The following JAM3 variants were observed in gnomAD, a reference collection of about 807,000 sequenced individuals.
JAM3 encodes junctional adhesion molecule C.
A neutral mutation model predicts 39.4 loss-of-function variants in JAM3; 31 were observed. That is an observed-to-expected ratio of 0.79 (90% CI 0.59 to 1.06). The LOEUF is 1.06. JAM3 is among the 50% of genes least tolerant of loss of function. The pLI, the probability that JAM3 is intolerant of heterozygous loss-of-function variation, is 0.00. For missense variants in JAM3, 455 were observed against 391.4 expected, an observed-to-expected ratio of 1.16 and a Z score of -1.37; for synonymous variants, 182 against 148.7, an observed-to-expected ratio of 1.22 and a Z score of -1.63.
chr11:134,140,010 G>A, intron 2 of JAM3, 94 bp downstream of exon 2: 1 of 1,006,620 alleles, frequency 9.9e-7, no homozygotes, highest in Non-Finnish European at 1.6e-6. Context: ...CTCTGTAAGT[G>A]TGCCAGGGAG....
rs575690114 is a variant in JAM3, at chr11:134,077,469, T to C, written c.76+8310T>C. ...ACCTCCGCCTCCTGGGTTCAAGTGATTCTCCTGCTTCAGCCTCCCGAGTAG... is the reference window on the plus strand; with the variant it reads ...ACCTCCGCCTCCTGGGTTCAAGTGACTCTCCTGCTTCAGCCTCCCGAGTAG... On this transcript the variant is annotated intron_variant, in intron 1 of 8. Transcript: ENST00000299106. 1.4e-3 allele frequency among the ~76,000 whole-genome samples: 208 copies of C among 151,634 alleles called. 7 individuals carry two copies. In the South Asian group the frequency reaches 0.042, roughly 31 times the overall value.
At chr11:134,104,552 AAATC>A (rs1263253225) in intron 1 of JAM3, among the ~76,000 whole-genome samples, 1 of 152,140 alleles carries the variant, frequency 6.6e-6, no homozygotes, top group Non-Finnish European at 1.5e-5. Context: ...CCCTTCAAAA[AAATC>A]AATGAATCCA....
intron 4 of JAM3, 95 bp downstream of exon 4, chr11:134,144,488 G>A: frequency 2.8e-6 from 4 of 1,452,176 alleles, no homozygotes; most frequent in Non-Finnish European, 3.9e-6. Context: ...GTATCCCTGA[G>A]GGCTTCACAT....
chr11:134,114,866 G>A (rs1942391770), intron 1 of JAM3, among the ~76,000 whole-genome samples: 1 of 152,198 alleles, frequency 6.6e-6, no homozygotes, highest in Non-Finnish European at 1.5e-5. Flanking sequence ...GGTCAAGTTA[G>A]TCGATAGAAT....
At chr11:134,135,747 T>G (rs1210521900) in intron 1 of JAM3, among the ~76,000 whole-genome samples, 1 of 152,000 alleles carries the variant, frequency 6.6e-6, no homozygotes, top group African/African-American at 2.4e-5. Context: ...TCTAGACAGG[T>G]ATCTAGTATA....
intron 6 of JAM3, 68 bp downstream of exon 6, chr11:134,146,113 T>C: frequency 3.6e-6 from 4 of 1,097,836 alleles, no homozygotes; most frequent in Non-Finnish European, 5.6e-6. Flanking sequence ...TAATTTAATA[T>C]TATACCATCA....
chr11:134,109,542 A>G (rs1471678292), intron 1 of JAM3, among the ~76,000 whole-genome samples: 1 of 152,252 alleles, frequency 6.6e-6, no homozygotes, highest in Non-Finnish European at 1.5e-5. Flanking sequence ...TAAACCCAAA[A>G]GATCTGAGAC....
At chr11:134,146,943 G>A (rs1943084167) in intron 6 of JAM3, among the ~76,000 whole-genome samples, 1 of 152,172 alleles carries the variant, frequency 6.6e-6, no homozygotes. Context: ...ACTGCCTGGT[G>A]ATACCCATTT....
intron 1 of JAM3, among the ~76,000 whole-genome samples, chr11:134,070,692 C>G (rs901953159): frequency 1.5e-4 from 23 of 152,214 alleles, no homozygotes; most frequent in Non-Finnish European, 3.4e-4. Flanking sequence ...TTGAAAAGAT[C>G]TGTTCACGTG....
intron 1 of JAM3, among the ~76,000 whole-genome samples, chr11:134,109,210 C>T (rs1030061902): frequency 1.2e-4 from 18 of 152,186 alleles, no homozygotes; most frequent in African/African-American, 4.3e-4. Flanking sequence ...GATCCACCCA[C>T]CTCAACCTCC....
chr11:134,071,363 A>G (rs537882599), intron 1 of JAM3, among the ~76,000 whole-genome samples: 1 of 152,286 alleles, frequency 6.6e-6, no homozygotes, highest in East Asian at 1.9e-4. Flanking sequence ...ATTTGTGTTA[A>G]TCCAATTTTT....
chr11:134,138,668 A>G (rs1019987106), intron 1 of JAM3, among the ~76,000 whole-genome samples: 2 of 152,256 alleles, frequency 1.3e-5, no homozygotes, highest in South Asian at 2.1e-4. Flanking sequence ...GGGAGTAGCC[A>G]TGGTTATCCA....
chr11:134,113,607 G>C (rs1374222306), intron 1 of JAM3, among the ~76,000 whole-genome samples: 2 of 152,150 alleles, frequency 1.3e-5, no homozygotes, highest in Non-Finnish European at 2.9e-5. Flanking sequence ...GGACATTTGG[G>C]TTGGTTCCAA....
intron 1 of JAM3, among the ~76,000 whole-genome samples, chr11:134,100,522 C>G (rs935652832): frequency 6.6e-6 from 1 of 152,112 alleles, no homozygotes; most frequent in Non-Finnish European, 1.5e-5. Context: ...TTTGAGTTAC[C>G]ACTGTATTTA....
intron 1 of JAM3, among the ~76,000 whole-genome samples, chr11:134,133,273 A>T (rs994567586): frequency 6.6e-6 from 1 of 152,180 alleles, no homozygotes; most frequent in African/African-American, 2.4e-5. Flanking sequence ...TCCAACTTCG[A>T]TTCCTTTTTT....
In JAM3 at chr11:134,139,916, A is replaced by G; in HGVS notation, c.142A>G (p.Ser48Gly). ...AACCCCAGTGGTACAGGAATTTGAAAGTAAGTACAAACGAAATGCCTAGGA... is the reference window on the plus strand; with the variant it reads ...AACCCCAGTGGTACAGGAATTTGAAGGTAAGTACAAACGAAATGCCTAGGA... Reference protein sequence around the residue: ...NRTPVVQEFESVELSCIITDS... With the variant: ...NRTPVVQEFEGVELSCIITDS... The change falls in exon 2 of 9, where the codon AGT (serine) becomes GGT (glycine). Residue 48 changes from serine (S) to glycine (G), a missense_variant and splice_region_variant. Ser to Gly is a moderately conservative substitution (Grantham distance 56). Coordinates refer to ENST00000299106, the MANE Select transcript of JAM3 (RefSeq NM_032801.5). The G allele has an allele frequency of 6.2e-7, 1 of 1,612,034 alleles. No individual in the cohort carries two copies. The highest frequency in any genetic ancestry group is 1.3e-5 in the African/African-American group (1 of 75,008).
chr11:134,140,515 A>G, intron 2 of JAM3, 142 bp from the exon 3 acceptor site: 1 of 703,982 alleles, frequency 1.4e-6, no homozygotes, highest in Non-Finnish European at 2.5e-6. Flanking sequence ...ATCCTTTCTC[A>G]AAGTCTCTTG....
At chr11:134,115,455 C>A (rs1164692473) in intron 1 of JAM3, among the ~76,000 whole-genome samples, 1 of 151,916 alleles carries the variant, frequency 6.6e-6, no homozygotes, top group Non-Finnish European at 1.5e-5. Flanking sequence ...GCCTTCTTTT[C>A]TATTGGGTAA....
chr11:134,104,433 T>A (rs1942141267), intron 1 of JAM3, among the ~76,000 whole-genome samples: 1 of 151,788 alleles, frequency 6.6e-6, no homozygotes, highest in South Asian at 2.1e-4. Flanking sequence ...CGCCCTAACA[T>A]CACAATTAAA....
Sources: gnomAD v4.1 joint callset for allele counts (sites outside exome capture counted in the v4.1 genomes callset) on GRCh38, gnomAD v4.1.1 for gene constraint, MANE v1.5 for transcripts, NCBI Gene and HGNC (gene_info 2026-07-23, HGNC 2026-07-21) for gene names.